The following CEP350 variants were observed in gnomAD, a reference collection of about 807,000 sequenced individuals.
CEP350 encodes centrosome-associated protein 350.
Under a neutral mutation model 331.8 loss-of-function variants are expected in CEP350, and 126 were observed. That is an observed-to-expected ratio of 0.38 (90% CI 0.33 to 0.44). CEP350 has a LOEUF of 0.44. Ranked by LOEUF, CEP350 falls within the 20% of genes least tolerant of loss-of-function variation. CEP350 has a pLI of 1.00. For missense variants in CEP350, 3,406 were observed against 3,634.6 expected, an observed-to-expected ratio of 0.94 and a Z score of 1.62; for synonymous variants, 1,200 against 1,259.5, an observed-to-expected ratio of 0.95 and a Z score of 1.00.
At chr1:180,002,221 C>G (rs1276229587) in intron 6 of CEP350, among the ~76,000 whole-genome samples, 1 of 152,210 alleles carries the variant, frequency 6.6e-6, no homozygotes, top group Non-Finnish European at 1.5e-5. Flanking sequence ...TGCCTGTAAT[C>G]CCAGCATTTT....
At position 180,020,650 on chromosome 1, in the gene CEP350, C is replaced by A. The variant is rs765210137; in HGVS notation, c.2876C>A (p.Ser959Tyr). ...AQLCKRQTDS[S>Y]SSDMQACSQD... The stretch of plus-strand genomic sequence containing the variant: ...TTATGTAAAAGGCAGACTGACTCTT[C>A]TAGCTCTGATATGCAAGCCTGTTCT... Residue 959 changes from serine (S) to tyrosine (Y), a missense_variant, in exon 12 of 38, where the codon TCT becomes TAT. Ser to Tyr is a moderately radical substitution (Grantham distance 144). Coordinates refer to ENST00000367607, the MANE Select transcript of CEP350 (RefSeq NM_014810.5). 10 of 1,613,884 alleles carry A rather than the reference C, an allele frequency of 6.2e-6. No individual in the cohort carries two copies. Among genetic ancestry groups the A allele is most frequent in the African/African-American group, 1.3e-5 (1 of 74,926 alleles).
intron 15 of CEP350, among the ~76,000 whole-genome samples, 163 bp from the exon 16 acceptor site, chr1:180,033,699 T>G (rs189517081): frequency 6.6e-6 from 1 of 152,290 alleles, no homozygotes; most frequent in Admixed American, 6.5e-5. Flanking sequence ...ATATTCATAG[T>G]CATTCATTCA....
intron 31 of CEP350, among the ~76,000 whole-genome samples, chr1:180,084,932 T>C (rs1659772062): frequency 1.3e-5 from 2 of 152,028 alleles, no homozygotes; most frequent in Admixed American, 6.6e-5. Context: ...TAAGAAAGAT[T>C]AGGCCTTTGA....
Position 180,092,778 on chromosome 1 carries a change from A to C in CEP350, c.6673A>C (p.Asn2225His). Residue 2225 changes from asparagine (N) to histidine (H), a missense_variant, in exon 34 of 38, where the codon AAT (asparagine) becomes CAT (histidine). Physicochemically the swap from Asn to His is moderately conservative, Grantham distance 68. Coordinates refer to ENST00000367607, the MANE Select transcript of CEP350 (RefSeq NM_014810.5). ...IREESGDSLENVPALHLLKEL... is the reference protein window; with the variant it reads ...IREESGDSLEHVPALHLLKEL... ...AGAAGAATCTGGAGATTCTCTAGAAAATGTACCTGCATTACATCTTCTCAA... is the reference window on the plus strand; with the variant it reads ...AGAAGAATCTGGAGATTCTCTAGAACATGTACCTGCATTACATCTTCTCAA... 1 of 1,583,866 alleles carries C rather than the reference A, an allele frequency of 6.3e-7. No homozygotes were observed.
chr1:179,959,253 T>C (rs1029310765), intron 1 of CEP350, among the ~76,000 whole-genome samples: 11 of 152,214 alleles, frequency 7.2e-5, no homozygotes, highest in African/African-American at 2.7e-4. Context: ...GGTCAGGAGT[T>C]CGAGACCGGC....
At chr1:180,016,368 C>A (rs139287662) in intron 11 of CEP350, among the ~76,000 whole-genome samples, 1 of 152,096 alleles carries the variant, frequency 6.6e-6, no homozygotes, top group African/African-American at 2.4e-5. Flanking sequence ...ATTGTACTTT[C>A]GAGAGCTACC....
intron 31 of CEP350, chr1:180,087,307 T>C (rs1659925879): frequency 4.5e-6 from 1 of 222,334 alleles, no homozygotes; most frequent in East Asian, 1.1e-4. Flanking sequence ...TATTGCTTCA[T>C]AGTATTAAAC....
Position 180,096,077 on chromosome 1 carries a change from T to C in CEP350, c.8959T>C (p.Phe2987Leu). The change falls in exon 36 of 38, where the codon TTT becomes CTT. Residue 2987 changes from phenylalanine to leucine, a missense_variant. Around this residue, in one of 5 missense-constraint regions of CEP350, gnomAD observed 1,415 missense variants for 1,512.3 expected, o/e 0.94. Transcript: ENST00000367607. Reference sequence around the variant, plus strand: ...AACAAAAGAGATTTTTGAGGAAATATTTGCTGAGGATCCCAACTTAAATCA... The same window carrying C: ...AACAAAAGAGATTTTTGAGGAAATACTTGCTGAGGATCCCAACTTAAATCA... Reference protein sequence around the residue: ...DLTKEIFEEIFAEDPNLNQPV... With the variant: ...DLTKEIFEEILAEDPNLNQPV... 4 of 1,554,006 alleles carry C rather than the reference T, an allele frequency of 2.6e-6. No individual in the cohort carries two copies. Among genetic ancestry groups the C allele is most frequent in the Non-Finnish European group, 2.6e-6 (3 of 1,147,916 alleles).
intron 7 of CEP350, among the ~76,000 whole-genome samples, chr1:180,005,068 T>G (rs2148762824): frequency 6.6e-6 from 1 of 151,122 alleles, no homozygotes; most frequent in Admixed American, 6.6e-5. Context: ...ACTCACTCTA[T>G]TTTTCTTTCT....
At chr1:179,962,126 C>A (rs767005702) in intron 1 of CEP350, among the ~76,000 whole-genome samples, 5 of 152,012 alleles carry the variant, frequency 3.3e-5, no homozygotes, top group South Asian at 2.1e-4. Flanking sequence ...GTATTACAGG[C>A]GTGAGCCACC....
chr1:179,992,022 T>C (rs1362713062), intron 4 of CEP350, 40 bp from the exon 5 acceptor site: 4 of 1,482,392 alleles, frequency 2.7e-6, no homozygotes, highest in Non-Finnish European at 2.7e-6. Context: ...GGCAGTTGTA[T>C]TTTATATTAT....
In CEP350 at chr1:179,954,990, C is replaced by T. The variant is rs1455093237; in HGVS notation, c.-166C>T. 1.6e-6 allele frequency: 2 copies of T among 1,258,078 alleles called. No homozygotes were observed. Among genetic ancestry groups the T allele is most frequent in the East Asian group, 3.2e-5 (1 of 31,610 alleles). 77.9% of individuals were successfully genotyped at this position (1,258,078 alleles called of 1,614,324 possible). A position where few individuals can be genotyped will look rare whatever the true frequency, so the allele number is the denominator to read the frequency against. ...TCCTTCCCAGCGGACCGGCGGATCCCCGGAGCCGGTGCGAGGAGGGCACCC... is the reference window on the plus strand; with the variant it reads ...TCCTTCCCAGCGGACCGGCGGATCCTCGGAGCCGGTGCGAGGAGGGCACCC... On this transcript the variant is annotated 5_prime_UTR_variant, in exon 1 of 38. Transcript: ENST00000367607.
Position 180,073,825 on chromosome 1 carries a change from G to A in CEP350, c.5568-1197G>A, listed in dbSNP as rs745785653. Reference sequence around the variant, plus strand: ...TTCACTACTTCTTCTCTGTCTTTACGTCTCATCACTGGGCCTCTCTCAGTG... The same window carrying A: ...TTCACTACTTCTTCTCTGTCTTTACATCTCATCACTGGGCCTCTCTCAGTG... On this transcript the variant is annotated intron_variant, in intron 27 of 37. Transcript: ENST00000367607. 34 of 1,303,886 alleles carry A rather than the reference G, an allele frequency of 2.6e-5. 1 individual carries two copies. The highest frequency in any genetic ancestry group is 3.3e-5 in the Non-Finnish European group (33 of 988,758). 80.8% of individuals were successfully genotyped at this position (1,303,886 alleles called of 1,614,324 possible).
intron 5 of CEP350, among the ~76,000 whole-genome samples, chr1:179,995,529 C>G (rs571225737): frequency 4.8e-4 from 73 of 152,206 alleles, no homozygotes; most frequent in African/African-American, 1.7e-3. Flanking sequence ...CGCTTGAACC[C>G]GGGAGGCAGA....
intron 37 of CEP350, among the ~76,000 whole-genome samples, chr1:180,102,552 C>T (rs1164498168): frequency 1.3e-5 from 2 of 152,046 alleles, no homozygotes; most frequent in Admixed American, 1.3e-4. Context: ...CACTTTTCAC[C>T]CATTATTGGT....
intron 13 of CEP350, among the ~76,000 whole-genome samples, chr1:180,023,150 A>G (rs1655441321): frequency 6.6e-6 from 1 of 152,094 alleles, no homozygotes; most frequent in Admixed American, 6.6e-5. Flanking sequence ...TGTTATGAGT[A>G]TTAAATGAAA....
chr1:180,009,216 G>T (rs1016153748), intron 8 of CEP350, among the ~76,000 whole-genome samples: 3 of 152,312 alleles, frequency 2.0e-5, no homozygotes, highest in Middle Eastern at 3.4e-3. Flanking sequence ...TGCCATGTTG[G>T]CCAGGATGGT....
At chr1:179,991,707 G>GTATA (rs756278179) in intron 4 of CEP350, among the ~76,000 whole-genome samples, 30 of 96,976 alleles carry the variant, frequency 3.1e-4, no homozygotes, top group Admixed American at 7.6e-4. Flanking sequence ...GTGTGTGTGT[G>GTATA]TATATATATA....
intron 15 of CEP350, among the ~76,000 whole-genome samples, chr1:180,032,305 A>T (rs1211035958): frequency 5.3e-5 from 8 of 152,118 alleles, no homozygotes; most frequent in Admixed American, 5.2e-4. Context: ...TGACACATAA[A>T]GATTACCATT....
Sources: allele counts gnomAD v4.1 joint callset (sites outside exome capture counted in the v4.1 genomes callset), GRCh38; gene constraint gnomAD v4.1.1; regional missense constraint gnomAD v4.1.1; transcripts MANE v1.5; gene names NCBI Gene and HGNC (gene_info 2026-07-23, HGNC 2026-07-21).